SDK2: variants seen among roughly 807,000 people sequenced by gnomAD.
The protein encoded by SDK2 is sidekick cell adhesion molecule 2, also known as protein sidekick-2.
In SDK2, 105 loss-of-function variants were observed where a neutral mutation model predicts 253.9. The observed-to-expected ratio is 0.41, with a 90% CI of 0.35 to 0.49. The LOEUF is 0.49. Ranked by LOEUF, SDK2 falls within the 20% of genes least tolerant of loss-of-function variation. SDK2 has a pLI of 0.06. For missense variants in SDK2, 2,608 were observed against 3,003.0 expected (o/e 0.87, Z 3.07); for synonymous variants, 1,249 against 1,234.9 (o/e 1.01, Z -0.24).
intron 4 of SDK2, among the ~76,000 whole-genome samples, chr17:73,453,672 T>C (rs954798623): frequency 2.0e-5 from 3 of 152,192 alleles, no homozygotes; most frequent in African/African-American, 7.2e-5. Context: ...CCACTGCACC[T>C]GGCCCACTGA....
chr17:73,496,216 G>A lies in SDK2; in HGVS notation c.224+11222C>T, dbSNP rs1181047755. The stretch of plus-strand genomic sequence containing the variant: ...TCTGTGACCAGACACTCTTCTGCAC[G>A]CTTCATCTTGCATGACATTCCCAGC... On this transcript the variant is annotated intron_variant, in intron 2 of 44. Transcript: ENST00000392650. This position sits in a 1 kb window ranked among gnomAD's most constrained non-coding sequence, Gnocchi z 4.7. Among the ~76,000 whole-genome samples the A allele has an allele frequency of 2.0e-5, 3 of 152,134 alleles. No homozygotes were observed. The highest frequency in any genetic ancestry group is 2.9e-5 in the Non-Finnish European group (2 of 68,010).
At chr17:73,353,318 A>G (rs1024649826) in intron 40 of SDK2, among the ~76,000 whole-genome samples, 8 of 152,354 alleles carry the variant, frequency 5.3e-5, no homozygotes, top group African/African-American at 1.9e-4. Flanking sequence ...TGACTGCCTA[A>G]GACATTATCA....
intron 1 of SDK2, among the ~76,000 whole-genome samples, chr17:73,524,609 A>G (rs1329488561): frequency 1.3e-5 from 2 of 152,166 alleles, no homozygotes; most frequent in Non-Finnish European, 2.9e-5. Context: ...CCTCCTTCCC[A>G]GGACCCCTGT....
intron 1 of SDK2, among the ~76,000 whole-genome samples, chr17:73,509,839 G>A (rs1192631303): frequency 7.3e-6 from 1 of 136,776 alleles, no homozygotes; most frequent in East Asian, 2.2e-4. Context: ...GGCGGAGGTT[G>A]CAGTGAGCCG....
intron 38 of SDK2, among the ~76,000 whole-genome samples, chr17:73,362,706 G>A (rs1289794745): frequency 1.3e-5 from 2 of 152,124 alleles, no homozygotes; most frequent in Non-Finnish European, 2.9e-5. Flanking sequence ...AGCTTTTTAG[G>A]GCAAAAGTGA....
At chr17:73,471,602 CA>C (rs546349949) in intron 3 of SDK2, among the ~76,000 whole-genome samples, 1 of 152,130 alleles carries the variant, frequency 6.6e-6, no homozygotes, top group East Asian at 1.9e-4. Flanking sequence ...CAACTCAAAA[CA>C]AAAACAAAAA....
intron 1 of SDK2, among the ~76,000 whole-genome samples, chr17:73,549,793 T>A (rs1214258660): frequency 2.0e-5 from 3 of 151,854 alleles, no homozygotes; most frequent in Admixed American, 6.6e-5. Context: ...GGGCTCAAGA[T>A]GTGAGCGAGG....
intron 3 of SDK2, among the ~76,000 whole-genome samples, chr17:73,466,830 G>C (rs1383493309): frequency 6.7e-6 from 1 of 149,670 alleles, no homozygotes; most frequent in Non-Finnish European, 1.5e-5. Context: ...CTTTAACCTT[G>C]TTAACATCAG....
At chr17:73,545,095 G>GCATGCACACACA (rs1222193318) in intron 1 of SDK2, among the ~76,000 whole-genome samples, 7 of 75,312 alleles carry the variant, frequency 9.3e-5, no homozygotes, top group African/African-American at 5.3e-4. Flanking sequence ...GCGTGCACGT[G>GCATGCACACACA]CACGCACACA....
At chr17:73,411,568 G>A (rs1356553764) in intron 18 of SDK2, among the ~76,000 whole-genome samples, 1 of 152,092 alleles carries the variant, frequency 6.6e-6, no homozygotes, top group Non-Finnish European at 1.5e-5. Context: ...CGTTGCTGGG[G>A]GCAGGTCCTA....
chr17:73,521,632 G>A (rs1187022590), intron 1 of SDK2, among the ~76,000 whole-genome samples: 2 of 152,138 alleles, frequency 1.3e-5, no homozygotes, highest in African/African-American at 4.8e-5. Flanking sequence ...TGGAGGGTGG[G>A]GATGCATTTC....
chr17:73,351,932 G>A (rs1342007652), intron 41 of SDK2, among the ~76,000 whole-genome samples: 1 of 151,986 alleles, frequency 6.6e-6, no homozygotes, highest in Non-Finnish European at 1.5e-5. Context: ...TGGGTGGTTA[G>A]TGATAACATT....
chr17:73,596,902 C>T (rs935971497), intron 1 of SDK2, among the ~76,000 whole-genome samples: 1 of 152,100 alleles, frequency 6.6e-6, no homozygotes, highest in South Asian at 2.1e-4. Flanking sequence ...CGGAGTTGCC[C>T]GCTTGCTCCC....
chr17:73,497,607 C>A (rs2063852960), intron 2 of SDK2, among the ~76,000 whole-genome samples: 1 of 151,942 alleles, frequency 6.6e-6, no homozygotes, highest in South Asian at 2.1e-4. Flanking sequence ...GCCAGCAGAG[C>A]CTCACGTCCC....
chr17:73,430,072 T>G (rs2063313872), intron 12 of SDK2, among the ~76,000 whole-genome samples: 1 of 152,160 alleles, frequency 6.6e-6, no homozygotes, highest in South Asian at 2.1e-4. Context: ...TGATCCCATA[T>G]CCGCCTGCCC....
chr17:73,641,272 G>T (rs1227706339), intron 1 of SDK2: 1 of 152,228 alleles, frequency 6.6e-6, no homozygotes, highest in Non-Finnish European at 1.5e-5. Context: ...ACTGGCTGGG[G>T]CCCTGCCCCT....
At chr17:73,396,144 G>A (rs1212516054) in intron 24 of SDK2, among the ~76,000 whole-genome samples, 1 of 152,156 alleles carries the variant, frequency 6.6e-6, no homozygotes, top group Non-Finnish European at 1.5e-5. Context: ...CTCCCAAAGT[G>A]CTGGGATTAC....
intron 1 of SDK2, among the ~76,000 whole-genome samples, chr17:73,620,198 CAAAAA>C (rs111772920): frequency 8.2e-6 from 1 of 122,080 alleles, no homozygotes; most frequent in Non-Finnish European, 1.8e-5. Context: ...GATCCTGTCT[CAAAAA>C]AAAAAAAAAA....
intron 1 of SDK2, among the ~76,000 whole-genome samples, chr17:73,564,176 C>T (rs960413510): frequency 1.3e-5 from 2 of 152,094 alleles, no homozygotes; most frequent in Non-Finnish European, 2.9e-5. Flanking sequence ...CTGTTCGATA[C>T]GGTAACCAAT....
Sources: allele counts gnomAD v4.1 joint callset (sites outside exome capture counted in the v4.1 genomes callset), GRCh38; gene constraint gnomAD v4.1.1; non-coding constraint Gnocchi (gnomAD v3.1); transcripts MANE v1.5; gene names NCBI Gene and HGNC (gene_info 2026-07-23, HGNC 2026-07-21).